The following ZFHX4 variants were observed in gnomAD, a reference collection of about 807,000 sequenced individuals.
The protein encoded by ZFHX4 is zinc finger homeobox protein 4.
A neutral mutation model predicts 267.6 loss-of-function variants in ZFHX4; 56 were observed. The observed-to-expected ratio is 0.21, with a 90% confidence interval of 0.17 to 0.26. ZFHX4 has a LOEUF of 0.26. ZFHX4 is among the 10% of genes least tolerant of loss of function. The pLI, the probability that ZFHX4 is intolerant of heterozygous loss-of-function variation, is 1.00. For missense variants in ZFHX4, 4,332 were observed against 4,420.0 expected, an observed-to-expected ratio of 0.98 and a Z score of 0.56; for synonymous variants, 1,778 against 1,665.6, an observed-to-expected ratio of 1.07 and a Z score of -1.64.
intron 3 of ZFHX4, among the ~76,000 whole-genome samples, chr8:76,711,116 C>CA (rs1034417915): frequency 2.3e-4 from 35 of 151,296 alleles, no homozygotes; most frequent in African/African-American, 7.8e-4. Flanking sequence ...CATATGGACT[C>CA]AAAAAAAAGA....
Position 76,855,605 on chromosome 8 carries a change from A to G in ZFHX4, c.8684A>G (p.Asn2895Ser). The G allele has an allele frequency of 6.2e-7, 1 of 1,613,786 alleles. No individual in the cohort carries two copies. Among genetic ancestry groups the G allele is most frequent in the East Asian group, 2.2e-5 (1 of 44,840 alleles). Residue 2895 changes from asparagine to serine, a missense_variant, in exon 10 of 11, where the codon AAC (asparagine) becomes AGC (serine). Asn to Ser is a conservative substitution (Grantham distance 46, BLOSUM62 1). Transcript: ENST00000651372. ...SFYITDDPDD[N>S]ADRSETSSIA... ...TACATCACAGATGACCCGGATGACA[A>G]CGCCGACCGCAGCGAAACGTCCAGC...
At chr8:76,780,852 G>C (rs1810527426) in intron 4 of ZFHX4, among the ~76,000 whole-genome samples, 1 of 152,132 alleles carries the variant, frequency 6.6e-6, no homozygotes, top group Admixed American at 6.6e-5. Context: ...CCAATTTGAA[G>C]TGAGACACAT....
In ZFHX4 at chr8:76,855,252, T is replaced by C. The variant is rs771965483; in HGVS notation, c.8331T>C (p.Cys2777=). 4 of 1,612,216 alleles carry C rather than the reference T, an allele frequency of 2.5e-6. No individual in the cohort carries two copies. Among genetic ancestry groups the C allele is most frequent in the East Asian group, 4.5e-5 (2 of 44,832 alleles). Residue 2777 remains cysteine, a synonymous_variant, in exon 10 of 11, where the codon TGT becomes TGC. Coordinates refer to ENST00000651372, the MANE Select transcript of ZFHX4 (RefSeq NM_024721.5). Reference sequence around the variant, plus strand: ...GCCCTTCTTCTTTTAAAGCAGAGTGTTCTGAGGATGTAGAGAATTTAAATG... The same window carrying C: ...GCCCTTCTTCTTTTAAAGCAGAGTGCTCTGAGGATGTAGAGAATTTAAATG... The part of the protein sequence containing the change: ...LLSPSSFKAE[C]SEDVENLNAP...
intron 5 of ZFHX4, 32 bp from the exon 6 acceptor site, chr8:76,842,623 A>G (rs10113466): frequency 1.3e-6 from 2 of 1,514,662 alleles, no homozygotes; most frequent in Non-Finnish European, 8.9e-7. Flanking sequence ...GGCGGTTTTC[A>G]GTTCTACTGA....
chr8:76,797,830 G>A (rs1811015881), intron 4 of ZFHX4, among the ~76,000 whole-genome samples: 1 of 151,822 alleles, frequency 6.6e-6, no homozygotes, highest in Admixed American at 6.6e-5. Flanking sequence ...AAGCCTGTCA[G>A]TTTTACTAAA....
In ZFHX4 at chr8:76,746,204, G is replaced by A. The variant is rs572985916; in HGVS notation, c.3094-32004G>A. Among the ~76,000 whole-genome samples the A allele has an allele frequency of 4.6e-5, 7 of 152,286 alleles. No individual in the cohort carries two copies. In the South Asian group the frequency reaches 1.2e-3, roughly 27 times the overall value. On this transcript the variant is annotated intron_variant, in intron 3 of 10. Coordinates refer to ENST00000651372, the MANE Select transcript of ZFHX4 (RefSeq NM_024721.5). ...GAGAATGACTTGAGGCCAGCAGTGT[G>A]AAACCAGCTTGGGCAACATAGCAAG...
chr8:76,810,837 A>G (rs1255972007), intron 4 of ZFHX4, among the ~76,000 whole-genome samples: 1 of 152,104 alleles, frequency 6.6e-6, no homozygotes, highest in Non-Finnish European at 1.5e-5. Flanking sequence ...TTGGAACGAG[A>G]AATACATAGA....
intron 4 of ZFHX4, among the ~76,000 whole-genome samples, chr8:76,795,708 A>G (rs1212670055): frequency 6.6e-6 from 1 of 151,906 alleles, no homozygotes; most frequent in Non-Finnish European, 1.5e-5. Flanking sequence ...ACACCCGGCT[A>G]ATCTTGTTTT....
At position 76,855,746 on chromosome 8, in the gene ZFHX4, A is replaced by G; in HGVS notation, c.8825A>G (p.Lys2942Arg). The G allele has an allele frequency of 6.2e-7, 1 of 1,613,978 alleles. No homozygotes were observed. Among genetic ancestry groups the G allele is most frequent in the Non-Finnish European group, 8.5e-7 (1 of 1,179,886 alleles). The change falls in exon 10 of 11, where the codon AAG becomes AGG. Residue 2942 changes from lysine (K) to arginine (R), a missense_variant. Coordinates refer to ENST00000651372, the MANE Select transcript of ZFHX4 (RefSeq NM_024721.5). Reference protein sequence around the residue: ...FRTQMSNLQLKVLKACFSDYR... With the variant: ...FRTQMSNLQLRVLKACFSDYR... ...ACGCAAATGAGCAATCTTCAACTCAAGGTTCTCAAGGCTTGCTTTAGTGAC... is the reference window on the plus strand; with the variant it reads ...ACGCAAATGAGCAATCTTCAACTCAGGGTTCTCAAGGCTTGCTTTAGTGAC...
At chr8:76,819,041 T>G (rs779194922) in intron 4 of ZFHX4, among the ~76,000 whole-genome samples, 10 of 151,980 alleles carry the variant, frequency 6.6e-5, no homozygotes, top group Admixed American at 1.3e-4. Flanking sequence ...TGATTAGGCA[T>G]GGTGAAGGGG....
chr8:76,845,261 T>A (rs541110597), intron 6 of ZFHX4, among the ~76,000 whole-genome samples: 1 of 152,254 alleles, frequency 6.6e-6, no homozygotes, highest in Non-Finnish European at 1.5e-5. Context: ...GCTTCATTTA[T>A]ATTGTCATTT....
At chr8:76,786,608 T>C (rs1190236065) in intron 4 of ZFHX4, among the ~76,000 whole-genome samples, 2 of 152,086 alleles carry the variant, frequency 1.3e-5, no homozygotes, top group Non-Finnish European at 2.9e-5. Flanking sequence ...TTTGGTTTAA[T>C]ATCTCCTGAT....
At chr8:76,739,229 G>T (rs554824727) in intron 3 of ZFHX4, among the ~76,000 whole-genome samples, 1 of 152,110 alleles carries the variant, frequency 6.6e-6, no homozygotes, top group African/African-American at 2.4e-5. Flanking sequence ...TTTGATTGTG[G>T]TTCCTTTTTT....
chr8:76,751,560 A>G (rs1269485224), intron 3 of ZFHX4, among the ~76,000 whole-genome samples: 2 of 152,192 alleles, frequency 1.3e-5, no homozygotes, highest in African/African-American at 4.8e-5. Context: ...GTTAAGGTAA[A>G]CTGTAGCAAA....
chr8:76,690,497 G>A (rs1043563621), intron 1 of ZFHX4, among the ~76,000 whole-genome samples: 3 of 151,840 alleles, frequency 2.0e-5, no homozygotes, highest in African/African-American at 7.3e-5. Context: ...ATTTCCCATG[G>A]TATTTTCATT....
At chr8:76,795,881 A>G (rs1479860297) in intron 4 of ZFHX4, among the ~76,000 whole-genome samples, 2 of 152,062 alleles carry the variant, frequency 1.3e-5, no homozygotes, top group African/African-American at 4.8e-5. Context: ...TTATTGTTCA[A>G]TTTTCATGGA....
At chr8:76,860,734 A>C (rs1812843375) in intron 10 of ZFHX4, among the ~76,000 whole-genome samples, 1 of 152,168 alleles carries the variant, frequency 6.6e-6, no homozygotes, top group African/African-American at 2.4e-5. Context: ...CTCAGGCCTG[A>C]AATTTTATAA....
intron 3 of ZFHX4, among the ~76,000 whole-genome samples, chr8:76,731,193 T>C (rs1409736425): frequency 6.6e-6 from 1 of 151,984 alleles, no homozygotes. Context: ...CTCTGAAGAG[T>C]GTGTCCATAC....
At chr8:76,699,390 A>G (rs4735738) in intron 1 of ZFHX4, among the ~76,000 whole-genome samples, 48,704 of 151,890 alleles carry the variant, frequency 0.32, 11,614 homozygotes, top group African/African-American at 0.67. Flanking sequence ...ACTGCAGTGG[A>G]GAAAAAGTTA....
Sources: gnomAD v4.1 joint callset for allele counts (sites outside exome capture counted in the v4.1 genomes callset) on GRCh38, gnomAD v4.1.1 for gene constraint, MANE v1.5 for transcripts, NCBI Gene and HGNC (gene_info 2026-07-23, HGNC 2026-07-21) for gene names.